FAAH2: variants seen among roughly 807,000 people sequenced by gnomAD.
FAAH2 encodes fatty acid amide hydrolase 2, also known as fatty-acid amide hydrolase 2.
FAAH2 carries 60 observed loss-of-function variants against 36.9 expected under a neutral mutation model. That is an observed-to-expected ratio of 1.63 (90% confidence interval 1.32 to 2.02). FAAH2 has a LOEUF of 2.02. Ranked by LOEUF, FAAH2 falls within the 30% of genes most tolerant of loss-of-function variation. FAAH2 has a pLI of 0.00. For synonymous variants in FAAH2, 214 were observed against 143.8 expected (o/e 1.49, Z -3.49); for missense variants, 689 against 397.5 (o/e 1.73, Z -6.23).
At chrX:57,371,903 G>C (rs928452842) in intron 5 of FAAH2, among the ~76,000 whole-genome samples, 9 of 111,435 alleles carry the variant, frequency 8.1e-5, no homozygotes, top group African/African-American at 2.9e-4. Context: ...TGCGGTCTTT[G>C]GTTTTTTAAT....
chrX:57,356,790 A>G (rs1240911575), intron 5 of FAAH2, among the ~76,000 whole-genome samples: 2 of 110,172 alleles, frequency 1.8e-5, no homozygotes, highest in African/African-American at 6.6e-5. Context: ...TTTATTATTT[A>G]TTTATTTTAA....
the FAAH2 span, among the ~76,000 whole-genome samples, chrX:57,204,277 A>G: frequency 9.0e-6 from 1 of 111,564 alleles, no homozygotes; most frequent in Non-Finnish European, 1.9e-5. Flanking sequence ...TATGGCAAAT[A>G]CCGAGATCAG....
At chrX:57,354,356 C>T (rs2054107395) in intron 5 of FAAH2, among the ~76,000 whole-genome samples, 1 of 110,527 alleles carries the variant, frequency 9.0e-6, no homozygotes, top group African/African-American at 3.3e-5. Flanking sequence ...GTGTTCTCCC[C>T]AATAAGTGGG....
chrX:57,436,252 T>TA (rs950063822), intron 8 of FAAH2, among the ~76,000 whole-genome samples: 3 of 110,587 alleles, frequency 2.7e-5, no homozygotes, highest in African/African-American at 9.8e-5. Flanking sequence ...TAAATGCCTA[T>TA]ACTAAAAAAG....
chrX:57,154,267 CTTTTTTT>C, the FAAH2 span, among the ~76,000 whole-genome samples: 3 of 94,990 alleles, frequency 3.2e-5, no homozygotes, highest in Non-Finnish European at 6.4e-5. Flanking sequence ...TATGTTGTAT[CTTTTTTT>C]TTTTTTTTTT....
At chrX:57,272,125 A>C in the FAAH2 span, among the ~76,000 whole-genome samples, 3 of 108,023 alleles carry the variant, frequency 2.8e-5, no homozygotes, top group African/African-American at 1.0e-4. Flanking sequence ...CAATAGCTGA[A>C]TAGATCAAGC....
chrX:57,167,519 C>T, the FAAH2 span, among the ~76,000 whole-genome samples: 13 of 111,901 alleles, frequency 1.2e-4, no homozygotes, highest in Admixed American at 1.0e-3. Flanking sequence ...CCCTTTTCCC[C>T]CTCAGTTAAC....
At chrX:57,232,798 G>T in the FAAH2 span, among the ~76,000 whole-genome samples, 1 of 111,775 alleles carries the variant, frequency 8.9e-6, no homozygotes, top group Non-Finnish European at 1.9e-5. Context: ...AGCCTAGATG[G>T]AACAAGCACA....
rs751795543 is a variant in FAAH2, at chrX:57,331,825, G to A, written c.622+18G>A. 6.0e-6 allele frequency: 7 copies of A among 1,169,157 alleles called. No homozygotes were observed. The highest frequency in any genetic ancestry group is 3.0e-5 in the East Asian group (1 of 33,632). The stretch of plus-strand genomic sequence containing the variant: ...AAGTTCTGGTGAGTTGGACATTTTA[G>A]TATGGCATGAATAGCTATGCTAACA... On this transcript the variant is annotated intron_variant, in intron 4 of 10. Coordinates refer to ENST00000374900, the MANE Select transcript of FAAH2 (RefSeq NM_174912.4).
intron 7 of FAAH2, among the ~76,000 whole-genome samples, chrX:57,427,525 A>T (rs2056191346): frequency 8.9e-6 from 1 of 111,770 alleles, no homozygotes; most frequent in African/African-American, 3.3e-5. Flanking sequence ...TAACTAACTG[A>T]ATCCAACACC....
chrX:57,153,510 G>C, the FAAH2 span, among the ~76,000 whole-genome samples: 1 of 111,857 alleles, frequency 8.9e-6, no homozygotes, highest in African/African-American at 3.3e-5. Context: ...TTCCAGGATT[G>C]TTTCAAGATT....
chrX:57,152,104 G>T, the FAAH2 span, among the ~76,000 whole-genome samples: 4 of 111,745 alleles, frequency 3.6e-5, no homozygotes, highest in Admixed American at 3.8e-4. Flanking sequence ...ATCTGCAAAT[G>T]CTGCTGCCTG....
chrX:57,155,721 C>T, the FAAH2 span, among the ~76,000 whole-genome samples: 3 of 112,358 alleles, frequency 2.7e-5, no homozygotes, highest in South Asian at 1.1e-3. Flanking sequence ...TTTCCTTCTA[C>T]TGTGATCTTT....
chrX:57,418,626 C>A (rs2055912109), intron 7 of FAAH2, among the ~76,000 whole-genome samples: 1 of 110,881 alleles, frequency 9.0e-6, no homozygotes, highest in Non-Finnish European at 1.9e-5. Context: ...AATCACCCAC[C>A]TTCTGCGTTG....
At chrX:57,288,591 C>G (rs774967588) in intron 1 of FAAH2, among the ~76,000 whole-genome samples, 14 of 109,285 alleles carry the variant, frequency 1.3e-4, no homozygotes, top group Non-Finnish European at 2.3e-4. Flanking sequence ...ACCTCGTGAT[C>G]CACCCACCTC....
chrX:57,162,945 T>C, the FAAH2 span, among the ~76,000 whole-genome samples: 3 of 112,716 alleles, frequency 2.7e-5, no homozygotes, highest in African/African-American at 9.7e-5. Flanking sequence ...CTCTGCTTTT[T>C]AGAGTTTCCA....
chrX:57,439,718 G>A (rs1249058579), intron 8 of FAAH2, among the ~76,000 whole-genome samples: 1 of 111,609 alleles, frequency 9.0e-6, no homozygotes, highest in East Asian at 2.8e-4. Context: ...TTTCTTCTAG[G>A]GTTTTTATGG....
chrX:57,446,899 T>C (rs1283596006), intron 8 of FAAH2, 29 bp from the exon 9 acceptor site: 7 of 1,094,593 alleles, frequency 6.4e-6, no homozygotes, highest in Non-Finnish European at 8.8e-6. Flanking sequence ...AAAATACTCT[T>C]GTATTTTATT....
intron 5 of FAAH2, among the ~76,000 whole-genome samples, chrX:57,372,514 G>GT (rs1320899829): frequency 6.4e-5 from 7 of 109,868 alleles, no homozygotes; most frequent in South Asian, 7.8e-4. Context: ...TTTATTGCTT[G>GT]TTTTTTCCAA....
Sources: allele counts gnomAD v4.1 joint callset (sites outside exome capture counted in the v4.1 genomes callset), GRCh38; gene constraint gnomAD v4.1.1; transcripts MANE v1.5; gene names NCBI Gene and HGNC (gene_info 2026-07-23, HGNC 2026-07-21).